The following PCSK5 variants were observed in gnomAD, a reference collection of about 807,000 sequenced individuals.
PCSK5 encodes prohormone convertase 5.
A neutral mutation model predicts 233.2 loss-of-function variants in PCSK5; 129 were observed. The ratio of observed to expected loss-of-function variants is 0.55; its 90% CI spans 0.48 to 0.64. PCSK5 has a LOEUF of 0.64. Among genes scored for constraint, PCSK5 ranks in the 30% least tolerant of loss-of-function variants. The pLI, the probability that PCSK5 is intolerant of heterozygous loss-of-function variation, is 0.00. For missense variants in PCSK5, 2,076 were observed against 2,430.1 expected, an observed-to-expected ratio of 0.85 and a Z score of 3.06; for synonymous variants, 825 against 879.2, an observed-to-expected ratio of 0.94 and a Z score of 1.09.
intron 24 of PCSK5, among the ~76,000 whole-genome samples, chr9:76,273,237 A>G (rs1193552390): frequency 6.6e-6 from 1 of 152,158 alleles, no homozygotes; most frequent in African/African-American, 2.4e-5. Flanking sequence ...CCCTACACAC[A>G]TACACACATG....
At chr9:76,193,248 T>G (rs1402891234) in intron 20 of PCSK5, 1 of 1,613,068 alleles carries the variant, frequency 6.2e-7, no homozygotes, top group Non-Finnish European at 8.5e-7. Flanking sequence ...AACGGAAGAG[T>G]CCTGGGCGGA....
At chr9:76,022,776 G>A (rs997790390) in intron 3 of PCSK5, among the ~76,000 whole-genome samples, 4 of 152,144 alleles carry the variant, frequency 2.6e-5, no homozygotes, top group Admixed American at 2.0e-4. Flanking sequence ...CCTTCCCCTC[G>A]AAGCCTTCAC....
At chr9:75,899,084 T>C (rs1053185051) in intron 1 of PCSK5, among the ~76,000 whole-genome samples, 2 of 152,134 alleles carry the variant, frequency 1.3e-5, no homozygotes, top group Non-Finnish European at 2.9e-5. Flanking sequence ...GAAGTTCTTG[T>C]AGAGGATGAT....
intron 2 of PCSK5, among the ~76,000 whole-genome samples, chr9:75,933,211 C>A (rs1413140336): frequency 6.6e-6 from 1 of 152,120 alleles, no homozygotes; most frequent in East Asian, 1.9e-4. Flanking sequence ...AACTAAGACT[C>A]TGAGGTCGAG....
chr9:76,065,588 C>G (rs1830257732), intron 5 of PCSK5, among the ~76,000 whole-genome samples: 1 of 152,150 alleles, frequency 6.6e-6, no homozygotes. Flanking sequence ...GGTATTTTCT[C>G]TCGTTATGTG....
At chr9:75,977,222 G>C (rs1054761186) in intron 2 of PCSK5, among the ~76,000 whole-genome samples, 1 of 152,010 alleles carries the variant, frequency 6.6e-6, no homozygotes, top group African/African-American at 2.4e-5. Context: ...GAAATTTTTT[G>C]TTAACTATTA....
intron 7 of PCSK5, among the ~76,000 whole-genome samples, chr9:76,073,543 A>G (rs1564010325): frequency 6.6e-6 from 1 of 152,180 alleles, no homozygotes; most frequent in Non-Finnish European, 1.5e-5. Flanking sequence ...ACAGACTACA[A>G]ATTGCTATGA....
At chr9:76,097,657 G>A (rs185519654) in intron 8 of PCSK5, among the ~76,000 whole-genome samples, 11 of 152,326 alleles carry the variant, frequency 7.2e-5, no homozygotes, top group African/African-American at 2.6e-4. Context: ...AAATTAATCT[G>A]TCTGTCTCAA....
intron 2 of PCSK5, among the ~76,000 whole-genome samples, chr9:75,964,771 C>T (rs949105086): frequency 2.1e-4 from 32 of 152,142 alleles, no homozygotes; most frequent in African/African-American, 6.8e-4. Context: ...GTGCTCATTG[C>T]GTATCTACTA....
chr9:76,058,372 T>C lies in PCSK5; in HGVS notation c.633-9583T>C, dbSNP rs1031726269. On this transcript the variant is annotated intron_variant, in intron 5 of 37. Coordinates refer to ENST00000674117, the MANE Select transcript of PCSK5 (RefSeq NM_001372043.1). ...CCCTGAGATACCATCTACAGTACTT[T>C]AACTATATGGGAAAAACAAAACCTA... 1.2e-3 allele frequency among the ~76,000 whole-genome samples: 189 copies of C among 152,168 alleles called. 1 individual carries two copies. Among genetic ancestry groups the C allele is most frequent in the Non-Finnish European group, 2.4e-3 (163 of 68,026 alleles).
chr9:76,224,874 C>A (rs1825838784), intron 20 of PCSK5, among the ~76,000 whole-genome samples: 1 of 152,190 alleles, frequency 6.6e-6, no homozygotes, highest in African/African-American at 2.4e-5. Flanking sequence ...CCTCGACTAA[C>A]CTAACGATGC....
At chr9:75,950,140 T>G (rs1212016106) in intron 2 of PCSK5, among the ~76,000 whole-genome samples, 11 of 96,550 alleles carry the variant, frequency 1.1e-4, no homozygotes, top group East Asian at 4.3e-4. Flanking sequence ...CTTGTGTGTG[T>G]GTGTGGGGGG....
intron 24 of PCSK5, among the ~76,000 whole-genome samples, chr9:76,249,463 A>G (rs1418790543): frequency 2.6e-5 from 4 of 152,208 alleles, no homozygotes; most frequent in Non-Finnish European, 5.9e-5. Flanking sequence ...AAAATGCAGA[A>G]GTATTTTTAT....
chr9:76,003,731 GA>G (rs1023174277), intron 3 of PCSK5, among the ~76,000 whole-genome samples: 3 of 152,122 alleles, frequency 2.0e-5, no homozygotes, highest in African/African-American at 7.2e-5. Context: ...TTGTCACAAT[GA>G]TTTTTTTTAT....
At chr9:76,050,249 A>G (rs1380758814) in intron 5 of PCSK5, among the ~76,000 whole-genome samples, 2 of 152,194 alleles carry the variant, frequency 1.3e-5, no homozygotes, top group East Asian at 3.8e-4. Flanking sequence ...GAGTATAGGT[A>G]AAGTTGAAAC....
intron 20 of PCSK5, among the ~76,000 whole-genome samples, chr9:76,222,935 G>C (rs1045886880): frequency 4.6e-5 from 7 of 152,142 alleles, no homozygotes; most frequent in African/African-American, 1.7e-4. Flanking sequence ...TGGCATCCTT[G>C]CAAAGAGATA....
rs1020631820 is a variant in PCSK5, at chr9:76,360,976, CTT to C, written c.*2056_*2057del. ...TGGCCAACAGGCTGTACTTTGCTGA[CTT>C]TATCTTTAAAACAGTTTTCAGAGAT... On this transcript the variant is annotated 3_prime_UTR_variant, in exon 38 of 38. Transcript: ENST00000674117. 6.6e-5 allele frequency: 10 copies of C among 152,110 alleles called. No homozygotes were observed. Among genetic ancestry groups the C allele is most frequent in the African/African-American group, 2.4e-4 (10 of 41,408 alleles). The allele number at this position is 152,110 out of a possible 1,614,324, so 9.4% of individuals were successfully genotyped here.
chr9:76,338,543 T>C lies in PCSK5; in HGVS notation c.4966+96T>C. ...TTCTCTCTTCTCACCACCTGGGAGGTTCCTCTTGCTTCCCTACCTCGTGTG... is the reference window on the plus strand; with the variant it reads ...TTCTCTCTTCTCACCACCTGGGAGGCTCCTCTTGCTTCCCTACCTCGTGTG... On this transcript the variant is annotated intron_variant, in intron 35 of 37. Coordinates refer to ENST00000674117, the MANE Select transcript of PCSK5 (RefSeq NM_001372043.1). The C allele has an allele frequency of 7.7e-6, 6 of 783,518 alleles. No individual in the cohort carries two copies. The South Asian group carries it at 9.9e-5, about 13-fold the overall frequency. 48.5% of individuals were successfully genotyped at this position (783,518 alleles called of 1,614,324 possible).
At chr9:76,262,235 C>T (rs1439121869) in intron 24 of PCSK5, among the ~76,000 whole-genome samples, 1 of 152,134 alleles carries the variant, frequency 6.6e-6, no homozygotes, top group Non-Finnish European at 1.5e-5. Context: ...CCATCCCCAT[C>T]AAGCTACCAA....
Sources: gnomAD v4.1 joint callset for allele counts (sites outside exome capture counted in the v4.1 genomes callset) on GRCh38, gnomAD v4.1.1 for gene constraint, MANE v1.5 for transcripts, NCBI Gene and HGNC (gene_info 2026-07-23, HGNC 2026-07-21) for gene names.